HIVEP3: variants seen among roughly 807,000 people sequenced by gnomAD.
The protein encoded by HIVEP3 is HIVEP zinc finger 3.
Under a neutral mutation model 152.8 loss-of-function variants are expected in HIVEP3, and 49 were observed. The ratio of observed to expected loss-of-function variants is 0.32; its 90% CI spans 0.26 to 0.41. The LOEUF is 0.41. HIVEP3 is among the 10% of genes least tolerant of loss of function. HIVEP3 has a pLI of 1.00. For missense variants in HIVEP3, 2,790 were observed against 3,103.3 expected, an observed-to-expected ratio of 0.90 and a Z score of 2.40; for synonymous variants, 1,269 against 1,289.0, an observed-to-expected ratio of 0.98 and a Z score of 0.33.
chr1:41,768,335 A>G (rs1296668225), intron 1 of HIVEP3, among the ~76,000 whole-genome samples: 1 of 152,216 alleles, frequency 6.6e-6, no homozygotes, highest in Admixed American at 6.5e-5. Context: ...CTTATTCACT[A>G]TCGCAAGAAG....
At chr1:41,731,955 C>A (rs1450624970) in intron 1 of HIVEP3, among the ~76,000 whole-genome samples, 1 of 152,236 alleles carries the variant, frequency 6.6e-6, no homozygotes, top group Admixed American at 6.5e-5. Context: ...GAATGATTCC[C>A]CTGACCGAGT....
intron 1 of HIVEP3, among the ~76,000 whole-genome samples, chr1:41,796,884 A>G (rs1650014614): frequency 6.6e-6 from 1 of 152,210 alleles, no homozygotes; most frequent in African/African-American, 2.4e-5. Flanking sequence ...GCAAGCTTCA[A>G]GTTCCTGCCA....
chr1:41,569,733 G>GCA (rs149916153), intron 5 of HIVEP3, among the ~76,000 whole-genome samples: 38 of 151,420 alleles, frequency 2.5e-4, no homozygotes, highest in South Asian at 1.0e-3. Flanking sequence ...ACATACACAG[G>GCA]CACACACACA....
chr1:41,789,175 G>A (rs181490688), intron 1 of HIVEP3, among the ~76,000 whole-genome samples: 45 of 152,346 alleles, frequency 3.0e-4, no homozygotes, highest in East Asian at 2.7e-3. Flanking sequence ...GGAGGTAGGT[G>A]TAGAATTGTG....
At chr1:41,822,171 C>G (rs1052368889) in intron 1 of HIVEP3, among the ~76,000 whole-genome samples, 1 of 152,172 alleles carries the variant, frequency 6.6e-6, no homozygotes, top group Non-Finnish European at 1.5e-5. Flanking sequence ...TGTGGCCACT[C>G]TCTCTCTTCA....
At chr1:41,545,039 T>C (rs958221925) in intron 5 of HIVEP3, among the ~76,000 whole-genome samples, 279 of 17,594 alleles carry the variant, frequency 0.016, no homozygotes, top group East Asian at 0.026. Flanking sequence ...CCACCACCAA[T>C]ACCACTACCA....
intron 1 of HIVEP3, among the ~76,000 whole-genome samples, chr1:41,824,337 CTT>C (rs1169639735): frequency 1.3e-5 from 2 of 152,292 alleles, no homozygotes; most frequent in South Asian, 2.1e-4. Context: ...AGTTCCTTCT[CTT>C]GTTTGATCAA....
chr1:41,527,273 T>TCATACACCCC (rs1643003647), intron 5 of HIVEP3, among the ~76,000 whole-genome samples: 16 of 64,322 alleles, frequency 2.5e-4, no homozygotes, highest in Admixed American at 3.3e-4. Context: ...ATGCTCACCC[T>TCATACACCCC]CACACACCCT....
rs55663663 is a variant in HIVEP3 at position 41,929,726 on chromosome 1, T to TTATA, written n.120-11206_120-11203dup. Among the ~76,000 whole-genome samples the TTATA allele has an allele frequency of 3.5e-3, 397 of 112,800 alleles. 10 individuals carry two copies. Among genetic ancestry groups the TTATA allele is most frequent in the South Asian group, 0.015 (51 of 3,352 alleles). The allele number at this position is 112,800 out of a possible 152,430, so 74.0% of individuals were successfully genotyped here. On this transcript the variant is annotated intron_variant and non_coding_transcript_variant, in intron 1 of 3. Transcript: ENST00000489103. The stretch of plus-strand genomic sequence containing the variant: ...TGTGTGAGTGTGTGTATATGTGTTT[T>TTATA]TATATATATATATATATATATATAT...
intron 1 of HIVEP3, among the ~76,000 whole-genome samples, chr1:41,890,855 T>C (rs528483626): frequency 6.6e-6 from 1 of 152,206 alleles, no homozygotes. Context: ...ACCTGCACAT[T>C]GTCAACGCTC....
chr1:41,880,597 C>A (rs1033133568), intron 1 of HIVEP3, among the ~76,000 whole-genome samples: 1 of 152,182 alleles, frequency 6.6e-6, no homozygotes, highest in East Asian at 1.9e-4. Flanking sequence ...GGAAGAAGAG[C>A]GGAGACTTCC....
At position 42,015,896 on chromosome 1, in the gene HIVEP3, T is replaced by C. The variant is rs576411445; in HGVS notation, n.119+19911A>G. ...AGCTGCCTACATGGCAATGGCTACG[T>C]CTGCTTTCCTTTCATGCTTTGTGCC... On this transcript the variant is annotated intron_variant and non_coding_transcript_variant, in intron 1 of 3. Coordinates refer to the HIVEP3 transcript ENST00000489103. Among the ~76,000 whole-genome samples the C allele has an allele frequency of 2.6e-5, 4 of 152,388 alleles. No homozygotes were observed. The East Asian group carries it at 7.7e-4, about 29-fold the overall frequency.
At chr1:41,735,670 A>G (rs1646906398) in intron 1 of HIVEP3, among the ~76,000 whole-genome samples, 1 of 152,092 alleles carries the variant, frequency 6.6e-6, no homozygotes, top group African/African-American at 2.4e-5. Context: ...GGACTCAGGC[A>G]TTGCTGGGGA....
intron 1 of HIVEP3, among the ~76,000 whole-genome samples, chr1:41,911,577 C>G (rs1644796648): frequency 6.6e-6 from 1 of 151,826 alleles, no homozygotes; most frequent in Non-Finnish European, 1.5e-5. Context: ...ACATACTTAG[C>G]AGGGAACTTG....
At chr1:41,544,868 C>T (rs201014857) in intron 5 of HIVEP3, among the ~76,000 whole-genome samples, 104 of 89,536 alleles carry the variant, frequency 1.2e-3, no homozygotes, top group African/African-American at 3.6e-3. Context: ...CCACCACCAC[C>T]ACCACCACTA....
chr1:41,879,914 G>T (rs1380558697), intron 1 of HIVEP3, among the ~76,000 whole-genome samples: 1 of 152,174 alleles, frequency 6.6e-6, no homozygotes, highest in Non-Finnish European at 1.5e-5. Flanking sequence ...GCTCTTCTTA[G>T]GTGCCTAGCA....
In HIVEP3 at chr1:41,605,365, ACGCACACG is replaced by A. The variant is rs750593055; in HGVS notation, c.-521-20055_-521-20048del. On this transcript the variant is annotated intron_variant, in intron 3 of 8. Transcript: ENST00000372583. Reference sequence around the variant, plus strand: ...GGTTACATAGATATTACATACACACACGCACACGCGCACACACACACACACACACACAC... The same window carrying A: ...GGTTACATAGATATTACATACACACACGCACACACACACACACACACACAC... Among the ~76,000 whole-genome samples the A allele has an allele frequency of 8.3e-3, 1,031 of 124,422 alleles. 6 individuals are homozygous for A. The highest frequency in any genetic ancestry group is 0.023 in the African/African-American group (713 of 30,450). 81.6% of individuals were successfully genotyped at this position (124,422 alleles called of 152,430 possible).
chr1:41,785,925 G>A (rs1469149738), intron 1 of HIVEP3, among the ~76,000 whole-genome samples: 1 of 152,220 alleles, frequency 6.6e-6, no homozygotes, highest in East Asian at 1.9e-4. Flanking sequence ...CAACCCGGGA[G>A]GCAGGGAGGT....
chr1:41,570,385 A>T (rs1423032775), intron 5 of HIVEP3, among the ~76,000 whole-genome samples: 1 of 152,198 alleles, frequency 6.6e-6, no homozygotes, highest in Non-Finnish European at 1.5e-5. Context: ...AGTTTCCCCT[A>T]TACCATTCTG....
Sources: allele counts gnomAD v4.1 joint callset (sites outside exome capture counted in the v4.1 genomes callset), GRCh38; gene constraint gnomAD v4.1.1; transcripts MANE v1.5; gene names NCBI Gene and HGNC (gene_info 2026-07-23, HGNC 2026-07-21).